VWDE: variants seen among roughly 807,000 people sequenced by gnomAD.
The protein encoded by VWDE is von Willebrand factor D and EGF domains, also known as von Willebrand factor D and EGF domain-containing protein.
VWDE carries 207 observed loss-of-function variants against 178.4 expected under a neutral mutation model. The ratio of observed to expected loss-of-function variants is 1.16; its 90% CI spans 1.04 to 1.30. VWDE has a LOEUF of 1.30. Ranked by LOEUF, VWDE falls within the 50% of genes most tolerant of loss-of-function variation. The pLI, the probability that VWDE is intolerant of heterozygous loss-of-function variation, is 0.00. For missense variants in VWDE, 2,287 were observed against 1,901.3 expected (o/e 1.20, Z -3.77); for synonymous variants, 738 against 651.4 (o/e 1.13, Z -2.02).
At position 12,360,422 on chromosome 7, in the gene VWDE, G is replaced by T. The variant is rs201160747; in HGVS notation, c.3159+725C>A. On this transcript the variant is annotated intron_variant, in intron 15 of 28. Transcript: ENST00000275358. ...ATGAATATATGGAAATGGAATATTTGGGAAAAATAAAAATCAAACAATCTC... is the reference window on the plus strand; with the variant it reads ...ATGAATATATGGAAATGGAATATTTTGGAAAAATAAAAATCAAACAATCTC... 5.3e-5 allele frequency among the ~76,000 whole-genome samples: 8 copies of T among 152,096 alleles called. No homozygotes were observed. The East Asian group carries it at 1.5e-3, about 29-fold the overall frequency.
At chr7:12,349,287 ACTTAT>A (rs994607613) in intron 19 of VWDE, among the ~76,000 whole-genome samples, 25 of 150,790 alleles carry the variant, frequency 1.7e-4, no homozygotes, top group African/African-American at 5.8e-4. Context: ...ATTCAATGTG[ACTTAT>A]CTTATAAATG....
At position 12,383,560 on chromosome 7, in the gene VWDE, T is replaced by G. The variant is rs1244760301; in HGVS notation, c.517A>C (p.Thr173Pro). 9 of 1,550,508 alleles carry G rather than the reference T, an allele frequency of 5.8e-6. No individual in the cohort carries two copies. The East Asian group carries it at 2.2e-4, about 38-fold the overall frequency. The change falls in exon 4 of 29, where the codon ACT (threonine) becomes CCT (proline). Residue 173 changes from threonine to proline, a missense_variant. Thr to Pro is a conservative substitution (Grantham distance 38). Coordinates refer to ENST00000275358, the MANE Select transcript of VWDE (RefSeq NM_001135924.3). ...CGAACACAATCACCTCCTGTTTCAG[T>G]TTCATCAGAACCACATGGGTGTAAT... Reference protein sequence around the residue: ...ARLHPCGSDETETGGDCVRQL... With the variant: ...ARLHPCGSDEPETGGDCVRQL...
intron 19 of VWDE, among the ~76,000 whole-genome samples, chr7:12,348,745 T>C (rs1378537637): frequency 6.6e-6 from 1 of 151,074 alleles, no homozygotes; most frequent in African/African-American, 2.4e-5. Context: ...CAAAGGACTA[T>C]AAATCAGGCT....
At chr7:12,357,640 G>T in intron 16 of VWDE, 125 bp from the exon 17 acceptor site, 4 of 1,108,550 alleles carry the variant, frequency 3.6e-6, no homozygotes, top group South Asian at 1.7e-5. Flanking sequence ...TCTATTAGCT[G>T]CTTTCATTTT....
Position 12,369,834 on chromosome 7 carries a change from A to T in VWDE, c.2472T>A (p.Leu824=). The change falls in exon 12 of 29, where the codon CTT becomes CTA. Residue 824 remains leucine, a synonymous_variant. Coordinates refer to ENST00000275358, the MANE Select transcript of VWDE (RefSeq NM_001135924.3). Reference sequence around the variant, plus strand: ...TGTCTAATCTCTTGCCAAGAAAAGCAAGACACAGCCTTCCTATGCTGGAGT... The same window carrying T: ...TGTCTAATCTCTTGCCAAGAAAAGCTAGACACAGCCTTCCTATGCTGGAGT... ...LANSSIGRLC[L]AFLGKRLDSV... The T allele has an allele frequency of 1.3e-6, 2 of 1,551,524 alleles. No homozygotes were observed. Among genetic ancestry groups the T allele is most frequent in the East Asian group, 2.4e-5 (1 of 40,898 alleles).
rs978062792 is a variant in VWDE, at chr7:12,381,781, A to C, written c.542-1048T>G. ...ATATCTGAGTAAAAATTTATCCTTA[A>C]ATAAACTAGGAAAAGGACATTTAGT... On this transcript the variant is annotated intron_variant, in intron 4 of 28. Transcript: ENST00000275358. Among the ~76,000 whole-genome samples, 3 of 152,018 alleles carry C rather than the reference A, an allele frequency of 2.0e-5. No individual in the cohort carries two copies. In the East Asian group the frequency reaches 5.8e-4, roughly 29 times the overall value.
chr7:12,367,471 C>A lies in VWDE; in HGVS notation c.2784G>T (p.Glu928Asp). 1.3e-6 allele frequency: 2 copies of A among 1,525,138 alleles called. No homozygotes were observed. Among genetic ancestry groups the A allele is most frequent in the Non-Finnish European group, 1.8e-6 (2 of 1,135,142 alleles). 94.5% of individuals were successfully genotyped at this position (1,525,138 alleles called of 1,614,324 possible). Reference sequence around the variant, plus strand: ...CATCACAGAATCCAGCATTCCCAAGCTCTGTAATTTCAGGAGCTTTGTCTT... The same window carrying A: ...CATCACAGAATCCAGCATTCCCAAGATCTGTAATTTCAGGAGCTTTGTCTT... ...DSYDKAPEITELGNAGFCDVQ... is the reference protein window; with the variant it reads ...DSYDKAPEITDLGNAGFCDVQ... The change falls in exon 13 of 29, where the codon GAG becomes GAT. Residue 928 changes from glutamate to aspartate, a missense_variant. Transcript: ENST00000275358.
At chr7:12,376,505 C>T (rs2128557266) in intron 7 of VWDE, among the ~76,000 whole-genome samples, 1 of 152,092 alleles carries the variant, frequency 6.6e-6, no homozygotes, top group East Asian at 1.9e-4. Flanking sequence ...GCAATGCTTG[C>T]CTTGTTGAAA....
chr7:12,381,946 C>T (rs1783874966), intron 4 of VWDE, among the ~76,000 whole-genome samples: 2 of 151,686 alleles, frequency 1.3e-5, no homozygotes, highest in African/African-American at 4.8e-5. Context: ...TTGATCATTG[C>T]TTGCAACAGT....
chr7:12,331,135 A>T lies in VWDE; in HGVS notation c.*48T>A. The T allele has an allele frequency of 1.3e-6, 2 of 1,489,044 alleles. No individual in the cohort carries two copies. The highest frequency in any genetic ancestry group is 1.8e-6 in the Non-Finnish European group (2 of 1,107,084). 92.2% of individuals were successfully genotyped at this position (1,489,044 alleles called of 1,614,324 possible). On this transcript the variant is annotated 3_prime_UTR_variant, in exon 29 of 29. Transcript: ENST00000275358. ...ATCTCCAACTTTTTCTGAACAAAAT[A>T]TTTCCATTCTTAAGATACAGGCTTG...
chr7:12,379,312 G>C (rs10499421), intron 6 of VWDE, among the ~76,000 whole-genome samples, 165 bp downstream of exon 6: 58,430 of 152,066 alleles, frequency 0.38, 12,068 homozygotes, highest in Non-Finnish European at 0.45. Flanking sequence ...AAACTTTGTT[G>C]CGCATTAGAA....
At chr7:12,344,785 C>T (rs2128547703) in intron 19 of VWDE, among the ~76,000 whole-genome samples, 1 of 152,148 alleles carries the variant, frequency 6.6e-6, no homozygotes, top group East Asian at 1.9e-4. Flanking sequence ...GAAACAATGC[C>T]TTTAAAATTA....
chr7:12,383,512 A>G, intron 4 of VWDE, 24 bp downstream of exon 4: 1 of 1,544,784 alleles, frequency 6.5e-7, no homozygotes. Flanking sequence ...AAACACTATT[A>G]AAAAAGCAAA....
At chr7:12,375,936 T>C (rs73300543) in intron 7 of VWDE, among the ~76,000 whole-genome samples, 4,579 of 152,102 alleles carry the variant, frequency 0.03, 213 homozygotes, top group African/African-American at 0.1. Context: ...GCCCCCAAAA[T>C]TGGTCAGAGA....
At chr7:12,383,669 G>A in intron 3 of VWDE, 68 bp from the exon 4 acceptor site, 1 of 1,280,302 alleles carries the variant, frequency 7.8e-7, no homozygotes, top group Non-Finnish European at 1.1e-6. Flanking sequence ...ATATATCCAA[G>A]ATGACAATTT....
chr7:12,353,080 C>T (rs986660496), intron 18 of VWDE, among the ~76,000 whole-genome samples: 2 of 152,170 alleles, frequency 1.3e-5, no homozygotes, highest in African/African-American at 2.4e-5. Flanking sequence ...TCTTCCATTA[C>T]GTTGCTTGTG....
intron 5 of VWDE, among the ~76,000 whole-genome samples, chr7:12,380,063 C>A (rs886724129): frequency 1.3e-5 from 2 of 151,172 alleles, no homozygotes; most frequent in Admixed American, 6.6e-5. Flanking sequence ...GAGATCGCGC[C>A]ACTGCACTCC....
chr7:12,362,737 C>A (rs1461604474), intron 13 of VWDE, among the ~76,000 whole-genome samples: 1 of 152,042 alleles, frequency 6.6e-6, no homozygotes, highest in Non-Finnish European at 1.5e-5. Flanking sequence ...ACAGAAATTA[C>A]GTTTTTGAAG....
chr7:12,341,302 T>A (rs1328002918), intron 23 of VWDE, among the ~76,000 whole-genome samples: 18 of 152,120 alleles, frequency 1.2e-4, no homozygotes, highest in Non-Finnish European at 1.6e-4. Context: ...TATAATGAAT[T>A]AGATCAAACA....
Sources: allele counts gnomAD v4.1 joint callset (sites outside exome capture counted in the v4.1 genomes callset), GRCh38; gene constraint gnomAD v4.1.1; transcripts MANE v1.5; gene names NCBI Gene and HGNC (gene_info 2026-07-23, HGNC 2026-07-21).